Variants in RGPD2 observed in about 807,000 individuals in gnomAD.
The protein encoded by RGPD2 is RANBP2-like and GRIP domain-containing protein 2.
Under a neutral mutation model 36.0 loss-of-function variants are expected in RGPD2, and 2 were observed. That is an observed-to-expected ratio of 0.06 (90% CI 0.02 to 0.17). The LOEUF (loss-of-function observed/expected upper bound fraction) is 0.17. Ranked by LOEUF, RGPD2 falls within the 10% of genes least tolerant of loss-of-function variation. The pLI, the probability that RGPD2 is intolerant of heterozygous loss-of-function variation, is 1.00. For synonymous variants in RGPD2, 19 were observed against 163.8 expected (o/e 0.12, Z 6.75); for missense variants, 40 against 464.3 (o/e 0.09, Z 8.40).
At chr2:87,978,864 A>G in the RGPD2 span, among the ~76,000 whole-genome samples, 1 of 148,550 alleles carries the variant, frequency 6.7e-6, no homozygotes, top group Non-Finnish European at 1.5e-5. Context: ...ATTACAGCCA[A>G]CTACGATAGC....
the RGPD2 span, among the ~76,000 whole-genome samples, chr2:87,924,746 A>G: frequency 1.5e-5 from 2 of 130,772 alleles, no homozygotes; most frequent in Non-Finnish European, 3.2e-5. Context: ...AAACATTAAA[A>G]TCTTCTGTGG....
At chr2:87,971,962 A>C in the RGPD2 span, among the ~76,000 whole-genome samples, 1 of 151,166 alleles carries the variant, frequency 6.6e-6, no homozygotes, top group Non-Finnish European at 1.5e-5. Context: ...CCAACCACCC[A>C]AAAAAAGATA....
chr2:87,824,742 G>GGCCGCCGCCGCCGCCGCC (rs1329887497), intron 1 of RGPD2, among the ~76,000 whole-genome samples: 8 of 87,702 alleles, frequency 9.1e-5, no homozygotes, highest in Non-Finnish European at 1.4e-4. Flanking sequence ...GCCAGGCCGA[G>GGCCGCCGCCGCCGCCGCC]GCCGCCGCCG....
chr2:87,873,516 T>G, the RGPD2 span, among the ~76,000 whole-genome samples: 1 of 139,218 alleles, frequency 7.2e-6, no homozygotes, highest in Non-Finnish European at 1.5e-5. Flanking sequence ...TTTTTTTGTT[T>G]GTTTGTTTGT....
chr2:87,937,743 A>G, the RGPD2 span, among the ~76,000 whole-genome samples: 1,149 of 152,078 alleles, frequency 7.6e-3, 9 homozygotes, highest in African/African-American at 0.026. Flanking sequence ...TTAGAGGGTT[A>G]GGTAGATTGG....
upstream of RGPD2, chr2:87,825,808 G>T (rs1486593966): frequency 2.4e-5 from 36 of 1,472,584 alleles, no homozygotes; most frequent in Non-Finnish European, 3.1e-5. Flanking sequence ...ACAGGAAAGC[G>T]CCTGAAAGCC....
the RGPD2 span, among the ~76,000 whole-genome samples, chr2:87,841,627 A>G: frequency 6.6e-6 from 1 of 151,782 alleles, no homozygotes; most frequent in Non-Finnish European, 1.5e-5. Context: ...ATTCTACCAG[A>G]GGTACAAGAA....
upstream of RGPD2, among the ~76,000 whole-genome samples, chr2:87,830,780 T>G (rs1212035937): frequency 2.0e-5 from 3 of 152,126 alleles, no homozygotes; most frequent in Non-Finnish European, 4.4e-5. Context: ...CTGCCCTTTA[T>G]AAAACCATCA....
the RGPD2 span, among the ~76,000 whole-genome samples, chr2:87,934,874 A>T: frequency 6.7e-6 from 1 of 149,742 alleles, no homozygotes; most frequent in Non-Finnish European, 1.5e-5. Flanking sequence ...ATTTTATTAA[A>T]TCCTCAATTT....
At chr2:87,943,693 C>A in the RGPD2 span, among the ~76,000 whole-genome samples, 1 of 151,748 alleles carries the variant, frequency 6.6e-6, no homozygotes, top group African/African-American at 2.4e-5. Context: ...CTTTTGAAGT[C>A]TTTCCTATAG....
intron 6 of RGPD2, among the ~76,000 whole-genome samples, chr2:87,809,406 C>T (rs1404450151): frequency 8.9e-5 from 13 of 146,540 alleles, no homozygotes; most frequent in Admixed American, 2.7e-4. Flanking sequence ...CGGTGGCTCA[C>T]GCCTGTAATC....
At chr2:87,881,213 T>A in the RGPD2 span, among the ~76,000 whole-genome samples, 2 of 150,738 alleles carry the variant, frequency 1.3e-5, no homozygotes, top group Non-Finnish European at 1.5e-5. Flanking sequence ...GGTTGTTGAG[T>A]GGCTGCAACT....
chr2:87,886,282 GC>G, the RGPD2 span, among the ~76,000 whole-genome samples: 41 of 151,722 alleles, frequency 2.7e-4, no homozygotes, highest in Non-Finnish European at 3.7e-4. Context: ...TTACTTAAAT[GC>G]CCCCTTTTCA....
the RGPD2 span, among the ~76,000 whole-genome samples, chr2:87,938,193 G>A: frequency 6.6e-6 from 1 of 151,636 alleles, no homozygotes; most frequent in Non-Finnish European, 1.5e-5. Context: ...ATGTCAGTGG[G>A]TAGAGAAAGA....
At chr2:87,781,447 GTTTT>G (rs991511013) in intron 20 of RGPD2, among the ~76,000 whole-genome samples, 34 of 118,470 alleles carry the variant, frequency 2.9e-4, no homozygotes, top group African/African-American at 8.1e-4. Flanking sequence ...CAATATCATG[GTTTT>G]TTTTGTTTTT....
At chr2:87,958,164 A>T in the RGPD2 span, among the ~76,000 whole-genome samples, 1 of 151,504 alleles carries the variant, frequency 6.6e-6, no homozygotes, top group Admixed American at 6.6e-5. Flanking sequence ...CTCTAAACAG[A>T]CTCTATTTCT....
chr2:87,915,244 A>T, the RGPD2 span, among the ~76,000 whole-genome samples: 1 of 148,498 alleles, frequency 6.7e-6, no homozygotes, highest in African/African-American at 2.5e-5. Flanking sequence ...TACTTAAAGG[A>T]ACTTTCTAAA....
At chr2:87,882,503 T>C in the RGPD2 span, among the ~76,000 whole-genome samples, 111 of 152,360 alleles carry the variant, frequency 7.3e-4, no homozygotes, top group Non-Finnish European at 1.3e-3. Context: ...CCTATAGCTT[T>C]GTAATATATT....
upstream of RGPD2, among the ~76,000 whole-genome samples, chr2:87,829,445 A>G (rs1243574716): frequency 6.6e-6 from 1 of 151,374 alleles, no homozygotes; most frequent in Non-Finnish European, 1.5e-5. Flanking sequence ...AACAAGTTGT[A>G]TTAGTTTGTT....
Sources: gnomAD v4.1 joint callset for allele counts (sites outside exome capture counted in the v4.1 genomes callset) on GRCh38, gnomAD v4.1.1 for gene constraint, MANE v1.5 for transcripts, NCBI Gene and HGNC (gene_info 2026-07-23, HGNC 2026-07-21) for gene names.